Variants in CHST11 observed in about 807,000 individuals in gnomAD.
CHST11 encodes the protein carbohydrate sulfotransferase 11.
Under a neutral mutation model 30.4 loss-of-function variants are expected in CHST11, and 9 were observed. That is an observed-to-expected ratio of 0.30 (90% CI 0.18 to 0.52). The LOEUF (loss-of-function observed/expected upper bound fraction) is 0.52. Ranked by LOEUF, CHST11 falls within the 20% of genes least tolerant of loss-of-function variation. The pLI is 0.97. For missense variants in CHST11, 348 were observed against 460.6 expected, an observed-to-expected ratio of 0.76 and a Z score of 2.24; for synonymous variants, 152 against 187.8, an observed-to-expected ratio of 0.81 and a Z score of 1.56.
intron 2 of CHST11, among the ~76,000 whole-genome samples, chr12:104,646,417 A>C (rs2039431142): frequency 6.6e-6 from 1 of 152,036 alleles, no homozygotes; most frequent in South Asian, 2.1e-4. Context: ...CCTGGAGTTC[A>C]CCTTCATCGT....
chr12:104,740,106 G>C (rs2040335139), intron 2 of CHST11, among the ~76,000 whole-genome samples: 1 of 152,148 alleles, frequency 6.6e-6, no homozygotes, highest in South Asian at 2.1e-4. Flanking sequence ...TTTTAGTAGG[G>C]TCACTGGCCT....
intron 2 of CHST11, among the ~76,000 whole-genome samples, chr12:104,617,168 G>A (rs2039115771): frequency 6.6e-6 from 1 of 152,154 alleles, no homozygotes; most frequent in Non-Finnish European, 1.5e-5. Context: ...AGAAACAGAG[G>A]TCACCGCAGT....
intron 2 of CHST11, among the ~76,000 whole-genome samples, chr12:104,674,918 G>C (rs1204785539): frequency 6.6e-6 from 1 of 152,172 alleles, no homozygotes; most frequent in Admixed American, 6.5e-5. Flanking sequence ...AACATTTAAC[G>C]CATTAAATGT....
At chr12:104,685,838 G>C (rs534641041) in intron 2 of CHST11, among the ~76,000 whole-genome samples, 1 of 152,288 alleles carries the variant, frequency 6.6e-6, no homozygotes, top group Admixed American at 6.5e-5. Context: ...GCTGAGACAT[G>C]AATTATTAAT....
chr12:104,647,062 G>A (rs2039440397), intron 2 of CHST11, among the ~76,000 whole-genome samples: 1 of 152,234 alleles, frequency 6.6e-6, no homozygotes. Context: ...CCAGCCAATA[G>A]ACTGGCTGCC....
rs185604579 is a variant in CHST11 at position 104,540,082 on chromosome 12, C to T, written c.119-61824C>T. Among the ~76,000 whole-genome samples, 329 of 152,308 alleles carry T rather than the reference C, an allele frequency of 2.2e-3. 3 individuals carry two copies. The highest frequency in any genetic ancestry group is 7.4e-3 in the African/African-American group (308 of 41,570). ...TTAATACAGTGCCTATACATCACTT[C>T]GTTTGTGTGACTCAGTGTAGCACTG... On this transcript the variant is annotated intron_variant, in intron 1 of 2. Transcript: ENST00000303694.
intron 2 of CHST11, among the ~76,000 whole-genome samples, chr12:104,737,549 G>T (rs2040311646): frequency 6.6e-6 from 1 of 152,134 alleles, no homozygotes; most frequent in Non-Finnish European, 1.5e-5. Flanking sequence ...GGCCACCTTG[G>T]GGTCATAGAT....
In CHST11 at chr12:104,569,943, T is replaced by C. The variant is rs1592768043; in HGVS notation, c.119-31963T>C. 5.9e-5 allele frequency among the ~76,000 whole-genome samples: 9 copies of C among 152,316 alleles called. No homozygotes were observed. The South Asian group carries it at 1.7e-3, about 28-fold the overall frequency. ...CTTCCTTTGCATGCGGTCAGAGTGC[T>C]GGGCCATCTGAACAGCCCCCTCCAC... On this transcript the variant is annotated intron_variant, in intron 1 of 2. Transcript: ENST00000303694.
intron 1 of CHST11, among the ~76,000 whole-genome samples, chr12:104,554,037 G>A (rs1026556734): frequency 4.6e-5 from 7 of 152,266 alleles, no homozygotes; most frequent in Admixed American, 2.6e-4. Flanking sequence ...GGTGTCTCTG[G>A]TCAGCTCACA....
intron 2 of CHST11, among the ~76,000 whole-genome samples, chr12:104,654,884 C>A (rs570542857): frequency 6.6e-6 from 1 of 152,102 alleles, no homozygotes; most frequent in East Asian, 1.9e-4. Context: ...CCGCTACCCC[C>A]TCCCCCATCT....
Position 104,720,798 on chromosome 12 carries a change from A to G in CHST11, c.205-36151A>G, listed in dbSNP as rs184829741. Among the ~76,000 whole-genome samples, 221 of 152,328 alleles carry G rather than the reference A, an allele frequency of 1.5e-3. 1 individual carries two copies. Among genetic ancestry groups the G allele is most frequent in the African/African-American group, 5.0e-3 (206 of 41,564 alleles). On this transcript the variant is annotated intron_variant, in intron 2 of 2. Coordinates refer to ENST00000303694, the MANE Select transcript of CHST11 (RefSeq NM_018413.6). Reference sequence around the variant, plus strand: ...GAAAAAAAAACAAAACAAGTTCACAAAAACAGGAAATGTCGTCTACCGTGG... The same window carrying G: ...GAAAAAAAAACAAAACAAGTTCACAGAAACAGGAAATGTCGTCTACCGTGG...
At chr12:104,516,946 C>T (rs1171450858) in intron 1 of CHST11, among the ~76,000 whole-genome samples, 1 of 152,154 alleles carries the variant, frequency 6.6e-6, no homozygotes. Context: ...GTTCTTCCTT[C>T]TAGAGTTACG....
chr12:104,665,812 C>CTTTTT lies in CHST11; in HGVS notation c.204+63843_204+63847dup, dbSNP rs59199522. ...CCTTTCTCTTTCTCTCTCTCTGTCT[C>CTTTTT]TTTTTTTTTTTTTTTTTTTTTTTTT... On this transcript the variant is annotated intron_variant, in intron 2 of 2. Transcript: ENST00000303694. 1.2e-3 allele frequency among the ~76,000 whole-genome samples: 94 copies of CTTTTT among 78,846 alleles called. 10 individuals carry two copies. The highest frequency in any genetic ancestry group is 3.6e-3 in the African/African-American group (66 of 18,104). 51.7% of individuals were successfully genotyped at this position (78,846 alleles called of 152,430 possible).
intron 2 of CHST11, among the ~76,000 whole-genome samples, chr12:104,619,485 T>C (rs1197566267): frequency 6.6e-6 from 1 of 152,188 alleles, no homozygotes; most frequent in African/African-American, 2.4e-5. Context: ...TTCACTCTTC[T>C]CGTCAGGGGA....
chr12:104,509,786 G>A (rs942925603), intron 1 of CHST11, among the ~76,000 whole-genome samples: 2 of 152,330 alleles, frequency 1.3e-5, no homozygotes, highest in African/African-American at 4.8e-5. Context: ...TTTATAAATG[G>A]ACTTTCCATA....
In CHST11 at chr12:104,717,774, A is replaced by G. The variant is rs186487209; in HGVS notation, c.205-39175A>G. On this transcript the variant is annotated intron_variant, in intron 2 of 2. Coordinates refer to ENST00000303694, the MANE Select transcript of CHST11 (RefSeq NM_018413.6). ...TGACAGAGTGAGACTCTGCCTCAAA[A>G]CAAACAACAACAACAACAGCAACAA... 3.1e-3 allele frequency among the ~76,000 whole-genome samples: 477 copies of G among 151,920 alleles called. 3 individuals are homozygous for G. Among genetic ancestry groups the G allele is most frequent in the Admixed American group, 4.6e-3 (71 of 15,272 alleles).
At chr12:104,634,557 C>T (rs990522594) in intron 2 of CHST11, among the ~76,000 whole-genome samples, 17 of 152,190 alleles carry the variant, frequency 1.1e-4, no homozygotes, top group African/African-American at 4.1e-4. Flanking sequence ...AACCGCTCCT[C>T]GAGGGTCTCT....
intron 2 of CHST11, among the ~76,000 whole-genome samples, chr12:104,705,520 C>A (rs2040024649): frequency 6.6e-6 from 1 of 152,180 alleles, no homozygotes; most frequent in Non-Finnish European, 1.5e-5. Flanking sequence ...ATAAAAATCT[C>A]TGCCCTTGTG....
intron 2 of CHST11, among the ~76,000 whole-genome samples, chr12:104,673,869 A>G (rs1414866970): frequency 6.6e-6 from 1 of 152,238 alleles, no homozygotes; most frequent in Non-Finnish European, 1.5e-5. Context: ...CATGTTCTGC[A>G]TCAATCCACG....
Sources: gnomAD v4.1 joint callset for allele counts (sites outside exome capture counted in the v4.1 genomes callset) on GRCh38, gnomAD v4.1.1 for gene constraint, MANE v1.5 for transcripts, NCBI Gene and HGNC (gene_info 2026-07-23, HGNC 2026-07-21) for gene names.